ESRRG: variants seen among roughly 807,000 people sequenced by gnomAD.
ESRRG encodes estrogen related receptor gamma.
ESRRG carries 13 observed loss-of-function variants against 44.0 expected under a neutral mutation model. That is an observed-to-expected ratio of 0.30 (90% CI 0.19 to 0.47). The LOEUF (loss-of-function observed/expected upper bound fraction) is 0.47, where lower values mean the gene tolerates loss of function less well. ESRRG is among the 20% of genes least tolerant of loss of function. The pLI is 1.00. For missense variants in ESRRG, 395 were observed against 580.6 expected (o/e 0.68, Z 3.29); for synonymous variants, 215 against 214.6 (o/e 1.00, Z -0.02).
intron 2 of ESRRG, among the ~76,000 whole-genome samples, chr1:216,780,379 G>A (rs1203451445): frequency 6.6e-6 from 1 of 152,018 alleles, no homozygotes; most frequent in African/African-American, 2.4e-5. Flanking sequence ...GAAGTTATCA[G>A]GATGGACCCT....
chr1:217,057,948 A>C (rs968343663), intron 1 of ESRRG, among the ~76,000 whole-genome samples: 17 of 152,184 alleles, frequency 1.1e-4, no homozygotes, highest in Admixed American at 2.6e-4. Flanking sequence ...TAAGAGAAAA[A>C]ATAATAATGA....
At chr1:216,597,408 C>T (rs555378051) in intron 3 of ESRRG, among the ~76,000 whole-genome samples, 6 of 152,134 alleles carry the variant, frequency 3.9e-5, no homozygotes, top group South Asian at 2.1e-4. Flanking sequence ...TGTTGAGTTG[C>T]GAAGGTGTCT....
chr1:216,623,594 G>A (rs1044258377), intron 3 of ESRRG, among the ~76,000 whole-genome samples: 36 of 152,144 alleles, frequency 2.4e-4, no homozygotes, highest in African/African-American at 8.7e-4. Flanking sequence ...TTCTGAGGGT[G>A]TAAGGAAACA....
At chr1:216,821,713 T>A (rs200508447) in intron 2 of ESRRG, among the ~76,000 whole-genome samples, 4,667 of 100,276 alleles carry the variant, frequency 0.047, 432 homozygotes, top group Non-Finnish European at 0.075. Flanking sequence ...AATAAATAAA[T>A]AAATAAATAA....
chr1:216,619,614 A>C (rs2061908578), intron 3 of ESRRG, among the ~76,000 whole-genome samples: 1 of 152,218 alleles, frequency 6.6e-6, no homozygotes, highest in Non-Finnish European at 1.5e-5. Flanking sequence ...AAATATATGC[A>C]ACAGTGACAG....
chr1:216,634,109 C>G (rs1220110405), intron 3 of ESRRG, among the ~76,000 whole-genome samples: 1 of 152,284 alleles, frequency 6.6e-6, no homozygotes, highest in South Asian at 2.1e-4. Context: ...CTACATAGAA[C>G]TATACTGATC....
intron 2 of ESRRG, among the ~76,000 whole-genome samples, chr1:216,792,359 C>T (rs2094344769): frequency 1.3e-5 from 2 of 152,140 alleles, no homozygotes; most frequent in African/African-American, 4.8e-5. Context: ...TTTATTCTTC[C>T]TGTCCCTCTA....
chr1:216,697,009 G>T lies in ESRRG; in HGVS notation c.57-19518C>A, dbSNP rs183424703. Reference sequence around the variant, plus strand: ...GAGACAGAGTCTCACTCTGTTGCCCGGGCCAGAGTGCAGTGGCATGATCCT... The same window carrying T: ...GAGACAGAGTCTCACTCTGTTGCCCTGGCCAGAGTGCAGTGGCATGATCCT... On this transcript the variant is annotated intron_variant, in intron 1 of 6. Coordinates refer to ENST00000408911, the MANE Select transcript of ESRRG (RefSeq NM_001438.4). Among the ~76,000 whole-genome samples, 3 of 150,458 alleles carry T rather than the reference G, an allele frequency of 2.0e-5. No individual in the cohort carries two copies. In the East Asian group the frequency reaches 5.9e-4, roughly 29 times the overall value.
intron 1 of ESRRG, among the ~76,000 whole-genome samples, chr1:216,963,010 T>A (rs1252287375): frequency 6.6e-6 from 1 of 152,188 alleles, no homozygotes; most frequent in East Asian, 1.9e-4. Flanking sequence ...CATATGACCC[T>A]GAACAAGTTC....
chr1:216,784,081 G>A (rs2094033744), intron 2 of ESRRG, among the ~76,000 whole-genome samples: 1 of 151,914 alleles, frequency 6.6e-6, no homozygotes, highest in South Asian at 2.1e-4. Flanking sequence ...AATTAAACAA[G>A]GCCATTAAAA....
At chr1:216,720,479 A>C (rs574097196) in intron 1 of ESRRG, among the ~76,000 whole-genome samples, 2 of 152,252 alleles carry the variant, frequency 1.3e-5, no homozygotes, top group East Asian at 1.9e-4. Flanking sequence ...GTCTGTTCAG[A>C]GTTCTCAAAT....
chr1:216,648,140 C>T (rs565429131), intron 3 of ESRRG, among the ~76,000 whole-genome samples: 8 of 152,240 alleles, frequency 5.3e-5, no homozygotes, highest in African/African-American at 1.9e-4. Context: ...ACATTTCAGA[C>T]AGTATCATTC....
At chr1:216,954,497 A>T (rs1032789289) in intron 1 of ESRRG, among the ~76,000 whole-genome samples, 1 of 152,164 alleles carries the variant, frequency 6.6e-6, no homozygotes, top group Non-Finnish European at 1.5e-5. Flanking sequence ...TAGGGAAACA[A>T]GAGCAGAGTG....
Position 216,589,371 on chromosome 1 carries a change from T to C in ESRRG, c.590-21273A>G, listed in dbSNP as rs142387786. On this transcript the variant is annotated intron_variant, in intron 3 of 6. Coordinates refer to ENST00000408911, the MANE Select transcript of ESRRG (RefSeq NM_001438.4). ...AAAACATTATGAGAATATTTTTGTG[T>C]TTATTACTTTTTTAGCTCATTAGCT... Among the ~76,000 whole-genome samples the C allele has an allele frequency of 6.0e-3, 913 of 152,270 alleles. 12 individuals are homozygous for C. Among genetic ancestry groups the C allele is most frequent in the African/African-American group, 0.021 (882 of 41,550 alleles).
At chr1:216,660,012 T>C (rs1472962914) in intron 2 of ESRRG, among the ~76,000 whole-genome samples, 2 of 152,228 alleles carry the variant, frequency 1.3e-5, no homozygotes, top group African/African-American at 4.8e-5. Flanking sequence ...AATTATTCAT[T>C]AAAAATTTAG....
chr1:216,544,377 T>C (rs1365953251), intron 5 of ESRRG, among the ~76,000 whole-genome samples: 1 of 152,036 alleles, frequency 6.6e-6, no homozygotes, highest in African/African-American at 2.4e-5. Flanking sequence ...TTACATACTA[T>C]TTAATTTTCC....
At chr1:216,889,158 G>C (rs751125661) in intron 2 of ESRRG, among the ~76,000 whole-genome samples, 3 of 152,138 alleles carry the variant, frequency 2.0e-5, no homozygotes, top group Non-Finnish European at 4.4e-5. Context: ...TGTAATAAGC[G>C]AAAGATTGCT....
rs369457390 is a variant in ESRRG at position 216,779,277 on chromosome 1, T to A, written c.-13-101786A>T. 9.5e-3 allele frequency among the ~76,000 whole-genome samples: 225 copies of A among 23,686 alleles called. 6 individuals carry two copies. Among genetic ancestry groups the A allele is most frequent in the African/African-American group, 0.035 (125 of 3,586 alleles). 15.5% of individuals were successfully genotyped at this position (23,686 alleles called of 152,430 possible). ...TATAAATATAAATATATATTTATAT[T>A]TATAAACATTATATTTATATTTATA... On this transcript the variant is annotated intron_variant, in intron 2 of 7. Transcript: ENST00000359162.
chr1:217,006,188 TAA>T (rs2077709981), intron 1 of ESRRG, among the ~76,000 whole-genome samples: 1 of 152,134 alleles, frequency 6.6e-6, no homozygotes, highest in East Asian at 1.9e-4. Context: ...ATGTTCAACA[TAA>T]GTTATGCTAA....
Sources: allele counts gnomAD v4.1 joint callset (sites outside exome capture counted in the v4.1 genomes callset), GRCh38; gene constraint gnomAD v4.1.1; transcripts MANE v1.5; gene names NCBI Gene and HGNC (gene_info 2026-07-23, HGNC 2026-07-21).